The following DNAAF9 variants were observed in gnomAD, a reference collection of about 807,000 sequenced individuals.
The protein encoded by DNAAF9 is shulin.
In DNAAF9, 90 loss-of-function variants were observed where a neutral mutation model predicts 167.0. The observed-to-expected ratio is 0.54, with a 90% CI of 0.45 to 0.64. The LOEUF is 0.64. Among genes scored for constraint, DNAAF9 ranks in the 30% least tolerant of loss-of-function variants. DNAAF9 has a pLI of 0.00. For missense variants in DNAAF9, 1,315 were observed against 1,442.2 expected, an observed-to-expected ratio of 0.91 and a Z score of 1.43; for synonymous variants, 491 against 508.8, an observed-to-expected ratio of 0.96 and a Z score of 0.47.
chr20:3,340,389 G>A, intron 10 of DNAAF9, 115 bp downstream of exon 10: 1 of 824,738 alleles, frequency 1.2e-6, no homozygotes, highest in Non-Finnish European at 1.9e-6. Context: ...TCAAATTCAG[G>A]GTTAAATCAA....
At chr20:3,295,919 C>T (rs974627087) in intron 23 of DNAAF9, 19 of 1,542,912 alleles carry the variant, frequency 1.2e-5, no homozygotes, top group Non-Finnish European at 1.6e-5. Context: ...TCTCAGTAAA[C>T]TCAGACATAT....
chr20:3,374,217 G>T, intron 5 of DNAAF9, 63 bp from the exon 6 acceptor site: 1 of 1,124,136 alleles, frequency 8.9e-7, no homozygotes, highest in Non-Finnish European at 1.3e-6. Flanking sequence ...GTCTAAACCT[G>T]ACCTAACATG....
At chr20:3,259,629 TTTAGGGACTGG>T (rs2068345451) in intron 32 of DNAAF9, 75 bp from the exon 33 acceptor site, 8 of 1,030,180 alleles carry the variant, frequency 7.8e-6, no homozygotes, top group Admixed American at 3.4e-5. Flanking sequence ...AGCTGGGAGT[TTTAGGGACTGG>T]GGAGGGACCA....
chr20:3,395,322 C>A (rs1445602924), intron 1 of DNAAF9, among the ~76,000 whole-genome samples: 1 of 151,540 alleles, frequency 6.6e-6, no homozygotes, highest in Non-Finnish European at 1.5e-5. Flanking sequence ...GATCTGTTGC[C>A]CAGGCTGGAA....
intron 30 of DNAAF9, among the ~76,000 whole-genome samples, chr20:3,269,432 T>C (rs375641570): frequency 4.6e-5 from 7 of 152,052 alleles, no homozygotes; most frequent in East Asian, 3.9e-4. Flanking sequence ...CAGGCTGGTC[T>C]TGAACTCCTG....
At chr20:3,274,152 A>T (rs2068639868) in intron 29 of DNAAF9, among the ~76,000 whole-genome samples, 1 of 150,358 alleles carries the variant, frequency 6.7e-6, no homozygotes. Context: ...TTTTATTTTT[A>T]TTTTTTTTGA....
intron 8 of DNAAF9, among the ~76,000 whole-genome samples, chr20:3,344,590 TACACACACACACACACACAC>T (rs4053351): frequency 3.7e-4 from 53 of 144,638 alleles, no homozygotes; most frequent in South Asian, 8.8e-4. Flanking sequence ...TACACACACA[TACACACACACACACACACAC>T]ACACACACAC....
intron 10 of DNAAF9, among the ~76,000 whole-genome samples, chr20:3,332,903 GTGT>G (rs2069864922): frequency 8.7e-6 from 1 of 115,180 alleles, no homozygotes; most frequent in African/African-American, 4.1e-5. Flanking sequence ...TGCGTGTGGT[GTGT>G]GTGTGTGTGT....
chr20:3,315,889 T>G lies in DNAAF9; in HGVS notation c.1540-104A>C. The G allele has an allele frequency of 1.1e-6, 1 of 882,500 alleles. No individual in the cohort carries two copies. Among genetic ancestry groups the G allele is most frequent in the Non-Finnish European group, 1.9e-6 (1 of 515,856 alleles). 54.7% of individuals were successfully genotyped at this position (882,500 alleles called of 1,614,324 possible). ...TATTTCCAGGACACTGGCTGGACAG[T>G]CCTTCCACCATGTCCATGTCCAGTG... On this transcript the variant is annotated intron_variant, in intron 18 of 36. Coordinates refer to ENST00000252032, the MANE Select transcript of DNAAF9 (RefSeq NM_001009984.3). The surrounding 1 kb of genome is among the most constrained non-coding windows in gnomAD (Gnocchi z 4.1).
chr20:3,258,842 C>T (rs1407956891), intron 33 of DNAAF9, among the ~76,000 whole-genome samples: 10 of 152,218 alleles, frequency 6.6e-5, no homozygotes, highest in African/African-American at 1.2e-4. Flanking sequence ...TCTCCCTACT[C>T]CCAGGCTCCA....
At chr20:3,283,116 C>A (rs1157326340) in intron 27 of DNAAF9, among the ~76,000 whole-genome samples, 1 of 152,192 alleles carries the variant, frequency 6.6e-6, no homozygotes, top group East Asian at 1.9e-4. Flanking sequence ...GGGGACCTAG[C>A]CTCTTCACCT....
At chr20:3,383,316 C>A (rs1043963231) in intron 1 of DNAAF9, among the ~76,000 whole-genome samples, 3 of 148,828 alleles carry the variant, frequency 2.0e-5, no homozygotes, top group Non-Finnish European at 4.4e-5. Flanking sequence ...CTCTGTGGCC[C>A]AGGCTGAAGT....
intron 10 of DNAAF9, among the ~76,000 whole-genome samples, chr20:3,333,317 T>C (rs2069875100): frequency 6.6e-6 from 1 of 151,990 alleles, no homozygotes; most frequent in Non-Finnish European, 1.5e-5. Context: ...CAACATCTCA[T>C]GAGGGTTCCT....
chr20:3,317,379 A>C (rs901589763), intron 17 of DNAAF9, among the ~76,000 whole-genome samples: 1 of 147,936 alleles, frequency 6.8e-6, no homozygotes, highest in Non-Finnish European at 1.5e-5. Context: ...AAAAAAAAAA[A>C]AACCCCAAAA....
rs565219741 is a variant in DNAAF9, at chr20:3,290,773, G to C, written c.2239-556C>G. Among the ~76,000 whole-genome samples, 1,128 of 149,788 alleles carry C rather than the reference G, an allele frequency of 7.5e-3. 5 individuals are homozygous for C. The highest frequency in any genetic ancestry group is 0.012 in the Non-Finnish European group (781 of 67,618). On this transcript the variant is annotated intron_variant, in intron 25 of 36. Transcript: ENST00000252032. Reference sequence around the variant, plus strand: ...GTTGCCTGTGCCCTCCAAGTCACACGGTCAGGGCTAAGTCTTTTTTTTTTT... The same window carrying C: ...GTTGCCTGTGCCCTCCAAGTCACACCGTCAGGGCTAAGTCTTTTTTTTTTT...
chr20:3,363,149 G>C (rs1249723316), intron 6 of DNAAF9, among the ~76,000 whole-genome samples: 1 of 147,158 alleles, frequency 6.8e-6, no homozygotes, highest in African/African-American at 2.5e-5. Flanking sequence ...GAATCACTTG[G>C]ACCCAGGAGG....
At chr20:3,283,870 A>C (rs1344779174) in intron 27 of DNAAF9, among the ~76,000 whole-genome samples, 1 of 152,126 alleles carries the variant, frequency 6.6e-6, no homozygotes, top group Non-Finnish European at 1.5e-5. Flanking sequence ...TTTTAATATA[A>C]CAGGATTTCC....
intron 1 of DNAAF9, among the ~76,000 whole-genome samples, chr20:3,403,968 A>G (rs1461574082): frequency 6.6e-6 from 1 of 152,078 alleles, no homozygotes; most frequent in Non-Finnish European, 1.5e-5. Context: ...CACTGCACCA[A>G]AACTGTTCTT....
At chr20:3,296,719 T>C (rs931700590) in intron 23 of DNAAF9, 142 bp downstream of exon 23, 14 of 653,862 alleles carry the variant, frequency 2.1e-5, no homozygotes, top group Middle Eastern at 2.6e-4. Flanking sequence ...ACCGGCTACC[T>C]GCAAGTTGGC....
Sources: gnomAD v4.1 joint callset for allele counts (sites outside exome capture counted in the v4.1 genomes callset) on GRCh38, gnomAD v4.1.1 for gene constraint, Gnocchi (gnomAD v3.1) non-coding constraint, MANE v1.5 for transcripts, NCBI Gene and HGNC (gene_info 2026-07-23, HGNC 2026-07-21) for gene names.